Variants in NDUFB1 observed in about 807,000 individuals in gnomAD.
The protein encoded by NDUFB1 is NADH:ubiquinone oxidoreductase subunit B1, also known as NADH dehydrogenase [ubiquinone] 1 beta subcomplex subunit 1.
In NDUFB1, 6 loss-of-function variants were observed where a neutral mutation model predicts 6.7. The ratio of observed to expected loss-of-function variants is 0.89; its 90% CI spans 0.49 to 1.76. NDUFB1 has a LOEUF of 1.76. Among genes scored for constraint, NDUFB1 ranks in the 40% most tolerant of loss-of-function variants. The pLI is 0.01. For synonymous variants in NDUFB1, 17 were observed against 22.9 expected (o/e 0.74, Z 0.74); for missense variants, 56 against 71.0 (o/e 0.79, Z 0.76).
chr14:92,121,522 C>T (rs2068763592), intron 1 of NDUFB1, 120 bp downstream of exon 1: 25 of 1,431,226 alleles, frequency 1.7e-5, no homozygotes, highest in Admixed American at 6.0e-5. Flanking sequence ...GTTCGGAAGC[C>T]CCGGGGAAGC....
intron 1 of NDUFB1, chr14:92,120,333 CAT>C (rs1277468040): frequency 2.0e-5 from 3 of 147,294 alleles, no homozygotes; most frequent in African/African-American, 5.1e-5. Flanking sequence ...TTATACAATT[CAT>C]ACTTTTTTCT....
At chr14:92,121,328 T>G in intron 1 of NDUFB1, 1 of 481,616 alleles carries the variant, frequency 2.1e-6, no homozygotes. Context: ...TCTTCCCTGC[T>G]TCAGGCCAGG....
rs532972712 is a variant in NDUFB1, at chr14:92,117,400, AG to A, written c.140+97del. On this transcript the variant is annotated intron_variant, in intron 2 of 2. Coordinates refer to ENST00000605997, the MANE Select transcript of NDUFB1 (RefSeq NM_004545.4). ...AGTATCATTTGAATCTAAGTCCTCAAGGGGGAAAAATTACCCCTTCTGTTTA... is the reference window on the plus strand; with the variant it reads ...AGTATCATTTGAATCTAAGTCCTCAAGGGGAAAAATTACCCCTTCTGTTTA... 2,442 of 1,258,792 alleles carry A rather than the reference AG, an allele frequency of 1.9e-3. 60 individuals carry two copies. In the South Asian group the frequency reaches 0.028, roughly 14 times the overall value. The allele number at this position is 1,258,792 out of a possible 1,614,324, so 78.0% of individuals were successfully genotyped here. A position where few individuals can be genotyped will look rare whatever the true frequency, so the allele number is the denominator to read the frequency against.
intron 1 of NDUFB1, 188 bp downstream of exon 1, chr14:92,121,454 G>T: frequency 1.2e-6 from 1 of 855,516 alleles, no homozygotes; most frequent in Non-Finnish European, 1.8e-6. Context: ...AAAAGCTCCG[G>T]CCCGGAAATC....
intron 1 of NDUFB1, among the ~76,000 whole-genome samples, chr14:92,119,607 C>T (rs1208985278): frequency 4.6e-5 from 7 of 152,084 alleles, no homozygotes; most frequent in Non-Finnish European, 8.8e-5. Context: ...TTTTCCTTAT[C>T]CGAAATGCTT....
chr14:92,117,093 G>C (rs1051566495), intron 2 of NDUFB1, among the ~76,000 whole-genome samples: 1 of 152,234 alleles, frequency 6.6e-6, no homozygotes, highest in Non-Finnish European at 1.5e-5. Flanking sequence ...CTCTCAGGTA[G>C]TGCTGCTAAG....
chr14:92,118,481 C>T (rs1484267712), intron 1 of NDUFB1: 1 of 152,046 alleles, frequency 6.6e-6, no homozygotes, highest in African/African-American at 2.4e-5. Flanking sequence ...TCATTTAGGA[C>T]TTTTACTTGT....
chr14:92,116,142 T>G lies in NDUFB1; in HGVS notation c.*51A>C. On this transcript the variant is annotated 3_prime_UTR_variant, in exon 3 of 3. Coordinates refer to ENST00000605997, the MANE Select transcript of NDUFB1 (RefSeq NM_004545.4). ...AAGACATTTCAGATTCTTCATGTTT[T>G]TATTTCTCTCAGAACTTTAAAATGT... 1 of 1,516,986 alleles carries G rather than the reference T, an allele frequency of 6.6e-7. No homozygotes were observed. The highest frequency in any genetic ancestry group is 9.2e-7 in the Non-Finnish European group (1 of 1,092,564). The allele number at this position is 1,516,986 out of a possible 1,614,324, so 94.0% of individuals were successfully genotyped here.
Position 92,116,157 on chromosome 14 carries a change from CT to C in NDUFB1, c.*35del, listed in dbSNP as rs1219236313. ...CTTCATGTTTTTATTTCTCTCAGAA[CT>C]TTAAAATGTGAACATTCGATAATCT... On this transcript the variant is annotated 3_prime_UTR_variant, in exon 3 of 3. Transcript: ENST00000605997. 2 of 1,585,430 alleles carry C rather than the reference CT, an allele frequency of 1.3e-6. No individual in the cohort carries two copies. The highest frequency in any genetic ancestry group is 3.3e-5 in the Admixed American group (2 of 59,854).
At chr14:92,120,059 A>G in intron 1 of NDUFB1, among the ~76,000 whole-genome samples, 1 of 150,256 alleles carries the variant, frequency 6.7e-6, no homozygotes, top group East Asian at 2.0e-4. Flanking sequence ...AACCTGTAAT[A>G]GACATCATGT....
chr14:92,118,931 G>A (rs889278453), intron 1 of NDUFB1: 6 of 352,038 alleles, frequency 1.7e-5, no homozygotes, highest in Middle Eastern at 3.9e-4. Flanking sequence ...CTGAGATGAC[G>A]CCACTACACT....
chr14:92,121,477 C>T (rs2068762909), intron 1 of NDUFB1, 165 bp downstream of exon 1: 1 of 1,032,372 alleles, frequency 9.7e-7, no homozygotes, highest in Non-Finnish European at 1.4e-6. Context: ...ATCCTCCACC[C>T]GAAGAAAACC....
rs780205939 is a variant in NDUFB1 at position 92,116,132 on chromosome 14, C to T, written c.*61G>A. On this transcript the variant is annotated 3_prime_UTR_variant, in exon 3 of 3. Coordinates refer to ENST00000605997, the MANE Select transcript of NDUFB1 (RefSeq NM_004545.4). ...TATGAAAAGAAAGACATTTCAGATT[C>T]TTCATGTTTTTATTTCTCTCAGAAC... 6.0e-5 allele frequency: 86 copies of T among 1,444,964 alleles called. No individual in the cohort carries two copies. Among genetic ancestry groups the T allele is most frequent in the Non-Finnish European group, 8.0e-5 (82 of 1,028,444 alleles). The allele number at this position is 1,444,964 out of a possible 1,614,324, so 89.5% of individuals were successfully genotyped here.
Position 92,117,567 on chromosome 14 carries a change from C to A in NDUFB1, c.71G>T (p.Gly24Val). ...ATCACTCTTTCTGTCTAAATAACATCCAATGACAAATCCCATAGGGACAAG... is the reference window on the plus strand; with the variant it reads ...ATCACTCTTTCTGTCTAAATAACATACAATGACAAATCCCATAGGGACAAG... The part of the protein sequence containing the change: ...HVLVPMGFVI[G>V]CYLDRKSDER... Residue 24 changes from glycine to valine, a missense_variant, in exon 2 of 3, where the codon GGA (glycine) becomes GTA (valine). Physicochemically the swap from Gly to Val is moderately radical, Grantham distance 109. Transcript: ENST00000605997. 1 of 1,613,940 alleles carries A rather than the reference C, an allele frequency of 6.2e-7. No homozygotes were observed. Among genetic ancestry groups the A allele is most frequent in the Non-Finnish European group, 8.5e-7 (1 of 1,179,970 alleles).
At chr14:92,119,055 TA>T in intron 1 of NDUFB1, 1 of 278,004 alleles carries the variant, frequency 3.6e-6, no homozygotes, top group Non-Finnish European at 7.2e-6. Context: ...CTCATGCCTG[TA>T]ACCACAGCAC....
intron 1 of NDUFB1, chr14:92,118,960 C>T (rs34114160): frequency 5.8e-5 from 21 of 359,042 alleles, no homozygotes; most frequent in African/African-American, 3.7e-4. Flanking sequence ...GGGGATACAG[C>T]GAGTCTCTGT....
chr14:92,118,992 A>G, intron 1 of NDUFB1: 1 of 381,030 alleles, frequency 2.6e-6, no homozygotes, highest in South Asian at 1.9e-5. Flanking sequence ...AAGAAAGAAA[A>G]AAAAAGGCAA....
rs892861600 is a variant in NDUFB1, at chr14:92,121,695, A to C, written c.-59T>G. ...GAGACCAAGGGCAACAGGGAACTCA[A>C]CCCGCGCCAGTGGAAGCTGCGACCT... On this transcript the variant is annotated 5_prime_UTR_variant, in exon 1 of 3. Transcript: ENST00000605997. 6.2e-7 allele frequency: 1 copy of C among 1,613,588 alleles called. No individual in the cohort carries two copies. The highest frequency in any genetic ancestry group is 8.5e-7 in the Non-Finnish European group (1 of 1,179,938).
At position 92,116,134 on chromosome 14, in the gene NDUFB1, T is replaced by G. The variant is rs2068715253; in HGVS notation, c.*59A>C. ...TGAAAAGAAAGACATTTCAGATTCT[T>G]CATGTTTTTATTTCTCTCAGAACTT... On this transcript the variant is annotated 3_prime_UTR_variant, in exon 3 of 3. Coordinates refer to ENST00000605997, the MANE Select transcript of NDUFB1 (RefSeq NM_004545.4). 4 of 1,453,544 alleles carry G rather than the reference T, an allele frequency of 2.8e-6. No homozygotes were observed. In the South Asian group the frequency reaches 3.4e-5, roughly 12 times the overall value. The allele number at this position is 1,453,544 out of a possible 1,614,324, so 90.0% of individuals were successfully genotyped here. A position where few individuals can be genotyped will look rare whatever the true frequency, so the allele number is the denominator to read the frequency against.
Sources: allele counts gnomAD v4.1 joint callset (sites outside exome capture counted in the v4.1 genomes callset), GRCh38; gene constraint gnomAD v4.1.1; transcripts MANE v1.5; gene names NCBI Gene and HGNC (gene_info 2026-07-23, HGNC 2026-07-21).